The following BABAM2 variants were observed in gnomAD, a reference collection of about 807,000 sequenced individuals.
BABAM2 encodes BRISC and BRCA1-A complex member 2.
A neutral mutation model predicts 54.7 loss-of-function variants in BABAM2; 31 were observed. The observed-to-expected ratio is 0.57, with a 90% CI of 0.43 to 0.77. The LOEUF (loss-of-function observed/expected upper bound fraction) is 0.77, where lower values mean the gene tolerates loss of function less well. Ranked by LOEUF, BABAM2 falls within the 30% of genes least tolerant of loss-of-function variation. BABAM2 has a pLI of 0.00. For synonymous variants in BABAM2, 167 were observed against 162.9 expected, an observed-to-expected ratio of 1.03 and a Z score of -0.19; for missense variants, 364 against 455.8, an observed-to-expected ratio of 0.80 and a Z score of 1.83.
intron 3 of BABAM2, among the ~76,000 whole-genome samples, chr2:27,966,311 A>G (rs1670839257): frequency 6.6e-6 from 1 of 152,206 alleles, no homozygotes; most frequent in African/African-American, 2.4e-5. Context: ...GAAGGATAGG[A>G]TAAATTCTTT....
intron 6 of BABAM2, among the ~76,000 whole-genome samples, chr2:28,050,763 C>G (rs1337095786): frequency 6.6e-6 from 1 of 152,090 alleles, no homozygotes; most frequent in Non-Finnish European, 1.5e-5. Flanking sequence ...GTCATAAAAT[C>G]TTTATGACCA....
chr2:28,319,478 T>C (rs6547841), intron 11 of BABAM2, among the ~76,000 whole-genome samples: 57,255 of 152,184 alleles, frequency 0.38, 12,328 homozygotes, highest in South Asian at 0.63. Flanking sequence ...TCCCTGCGCC[T>C]CTTGTACCTG....
chr2:28,324,198 G>T (rs1166837465), intron 11 of BABAM2, among the ~76,000 whole-genome samples: 1 of 152,162 alleles, frequency 6.6e-6, no homozygotes. Context: ...TTTAATGGAG[G>T]AGACTAAAAT....
intron 4 of BABAM2, among the ~76,000 whole-genome samples, chr2:27,989,391 G>T (rs1672621049): frequency 6.6e-6 from 1 of 152,148 alleles, no homozygotes; most frequent in Admixed American, 6.6e-5. Flanking sequence ...GAACAAAAGT[G>T]GGAGGTATGA....
chr2:27,890,065 G>T (rs936528636), upstream of BABAM2: 2 of 563,744 alleles, frequency 3.5e-6, no homozygotes. The surrounding 1 kb of genome is among the most constrained non-coding windows in gnomAD (Gnocchi z 4.8). Flanking sequence ...CCTCCCCTGA[G>T]ATTTACCTTT....
intron 3 of BABAM2, among the ~76,000 whole-genome samples, chr2:27,968,825 A>T (rs147312197): frequency 2.4e-3 from 362 of 152,336 alleles, no homozygotes; most frequent in African/African-American, 8.2e-3. Context: ...TTATAGGCTC[A>T]TAGGTAGAAG....
rs1344247281 is a variant in BABAM2, at chr2:28,112,146, T to TTTCTTTCTTTCTTTCCTTCCTTCC, written c.571-17123_571-17122insCTTTCTTTCTTTCCTTCCTTCCTT. Among the ~76,000 whole-genome samples the TTTCTTTCTTTCTTTCCTTCCTTCC allele has an allele frequency of 3.8e-4, 4 of 10,558 alleles. 1 individual carries two copies. Among genetic ancestry groups the TTTCTTTCTTTCTTTCCTTCCTTCC allele is most frequent in the Admixed American group, 1.2e-3 (1 of 848 alleles). 6.9% of individuals were successfully genotyped at this position (10,558 alleles called of 152,430 possible). A position where few individuals can be genotyped will look rare whatever the true frequency, so the allele number is the denominator to read the frequency against. On this transcript the variant is annotated intron_variant, in intron 6 of 11. Coordinates refer to ENST00000379624, the MANE Select transcript of BABAM2 (RefSeq NM_199191.3). Reference sequence around the variant, plus strand: ...CTTTCTTTCTTTCTTTCTTTCTTTCTTTACCTCCCTCCCTCCCTCCCTCCC... The same window carrying TTTCTTTCTTTCTTTCCTTCCTTCC: ...CTTTCTTTCTTTCTTTCTTTCTTTCTTTCTTTCTTTCTTTCCTTCCTTCCTTACCTCCCTCCCTCCCTCCCTCCC...
At chr2:28,200,727 A>G (rs772221578) in intron 7 of BABAM2, among the ~76,000 whole-genome samples, 44 of 151,562 alleles carry the variant, frequency 2.9e-4, no homozygotes, top group Non-Finnish European at 5.6e-4. Flanking sequence ...GCTCTATGCT[A>G]TGTACTAGTT....
chr2:28,039,923 G>A (rs1199423445), intron 5 of BABAM2, among the ~76,000 whole-genome samples: 4 of 151,302 alleles, frequency 2.6e-5, no homozygotes, highest in Non-Finnish European at 5.9e-5. Flanking sequence ...ATAATTTTCT[G>A]CATCTATCCA....
At chr2:27,973,521 C>G (rs926544766) in intron 3 of BABAM2, among the ~76,000 whole-genome samples, 1 of 151,760 alleles carries the variant, frequency 6.6e-6, no homozygotes, top group Non-Finnish European at 1.5e-5. Flanking sequence ...CTCTTAGACT[C>G]TTTTCTTTTG....
At chr2:28,140,117 A>G (rs1458301755) in intron 7 of BABAM2, among the ~76,000 whole-genome samples, 3 of 151,998 alleles carry the variant, frequency 2.0e-5, no homozygotes, top group African/African-American at 7.3e-5. Context: ...TTTTCTACCT[A>G]TATCTCTTCC....
At chr2:28,173,490 G>C (rs941413212) in intron 7 of BABAM2, among the ~76,000 whole-genome samples, 1 of 152,152 alleles carries the variant, frequency 6.6e-6, no homozygotes, top group Admixed American at 6.5e-5. Flanking sequence ...ATGTCCTACG[G>C]TTTAGAGCAC....
intron 6 of BABAM2, among the ~76,000 whole-genome samples, chr2:28,124,691 T>C (rs908566925): frequency 8.5e-5 from 13 of 152,224 alleles, no homozygotes; most frequent in African/African-American, 3.1e-4. Context: ...GATACTGTGC[T>C]AAGATCCTGC....
intron 4 of BABAM2, among the ~76,000 whole-genome samples, chr2:28,000,941 G>A (rs1158416930): frequency 6.6e-6 from 1 of 151,850 alleles, no homozygotes; most frequent in African/African-American, 2.4e-5. Flanking sequence ...AGATGATCTT[G>A]GCTCATCTTG....
intron 10 of BABAM2, among the ~76,000 whole-genome samples, chr2:28,254,282 A>T (rs888763143): frequency 6.6e-6 from 1 of 152,146 alleles, no homozygotes; most frequent in African/African-American, 2.4e-5. Context: ...GACTACAGGC[A>T]TGTGCCACCA....
chr2:28,070,992 C>T (rs910660684), intron 6 of BABAM2, among the ~76,000 whole-genome samples: 6 of 152,182 alleles, frequency 3.9e-5, no homozygotes, highest in Admixed American at 3.3e-4. Flanking sequence ...AGTTACTCAA[C>T]GCCCCCGCCC....
intron 7 of BABAM2, among the ~76,000 whole-genome samples, chr2:28,186,967 G>A (rs1343792362): frequency 2.0e-5 from 3 of 152,006 alleles, no homozygotes; most frequent in Non-Finnish European, 2.9e-5. Flanking sequence ...CAACAAGCCC[G>A]GCTAATTTTT....
intron 2 of BABAM2, among the ~76,000 whole-genome samples, chr2:27,903,881 C>G (rs1242005548): frequency 6.6e-6 from 1 of 151,980 alleles, no homozygotes; most frequent in African/African-American, 2.4e-5. Context: ...CTTATTAAGT[C>G]AAGAACATTT....
intron 7 of BABAM2, among the ~76,000 whole-genome samples, chr2:28,135,159 T>C (rs1335189063): frequency 6.6e-6 from 1 of 152,182 alleles, no homozygotes; most frequent in Non-Finnish European, 1.5e-5. Flanking sequence ...GAGATCACAT[T>C]TCCATTTGAC....
Sources: gnomAD v4.1 joint callset for allele counts (sites outside exome capture counted in the v4.1 genomes callset) on GRCh38, gnomAD v4.1.1 for gene constraint, Gnocchi (gnomAD v3.1) non-coding constraint, MANE v1.5 for transcripts, NCBI Gene and HGNC (gene_info 2026-07-23, HGNC 2026-07-21) for gene names.